LRRC8D: variants seen among roughly 807,000 people sequenced by gnomAD.
The protein encoded by LRRC8D is leucine rich repeat containing 8 VRAC subunit D.
Under a neutral mutation model 55.8 loss-of-function variants are expected in LRRC8D, and 20 were observed. That is an observed-to-expected ratio of 0.36 (90% CI 0.25 to 0.52). The LOEUF (loss-of-function observed/expected upper bound fraction) is 0.52, where lower values mean the gene tolerates loss of function less well. Ranked by LOEUF, LRRC8D falls within the 20% of genes least tolerant of loss-of-function variation. The pLI, the probability that LRRC8D is intolerant of heterozygous loss-of-function variation, is 0.93. For synonymous variants in LRRC8D, 352 were observed against 377.0 expected, an observed-to-expected ratio of 0.93 and a Z score of 0.77; for missense variants, 651 against 1,030.8, an observed-to-expected ratio of 0.63 and a Z score of 5.05.
At chr1:89,849,165 T>C (rs1371087779) in intron 2 of LRRC8D, among the ~76,000 whole-genome samples, 1 of 152,216 alleles carries the variant, frequency 6.6e-6, no homozygotes, top group African/African-American at 2.4e-5. Context: ...TGTAAAGAAA[T>C]GATCATGGTT....
intron 2 of LRRC8D, among the ~76,000 whole-genome samples, chr1:89,901,855 G>A (rs552734135): frequency 1.3e-5 from 2 of 152,280 alleles, no homozygotes; most frequent in South Asian, 2.1e-4. Context: ...TTTGCAGTAC[G>A]TCGTGCCTCT....
chr1:89,925,148 G>C (rs1012863875), intron 2 of LRRC8D, among the ~76,000 whole-genome samples: 1 of 152,178 alleles, frequency 6.6e-6, no homozygotes, highest in Non-Finnish European at 1.5e-5. Context: ...CCTCTTGTCA[G>C]ATCAGCAGCA....
intron 2 of LRRC8D, among the ~76,000 whole-genome samples, chr1:89,897,606 C>T (rs566255689): frequency 8.1e-4 from 123 of 152,288 alleles, no homozygotes; most frequent in African/African-American, 2.8e-3. Context: ...TAGGAGGACA[C>T]GTCAAACTGT....
At chr1:89,865,335 T>TAC in intron 2 of LRRC8D, among the ~76,000 whole-genome samples, 1 of 79,256 alleles carries the variant, frequency 1.3e-5, no homozygotes, top group African/African-American at 8.6e-5. Context: ...TGAAATTATA[T>TAC]ATATATATAT....
chr1:89,852,501 A>G (rs760057868), intron 2 of LRRC8D, among the ~76,000 whole-genome samples: 1 of 152,258 alleles, frequency 6.6e-6, no homozygotes, highest in East Asian at 1.9e-4. Flanking sequence ...TGTACTGGTC[A>G]TTTTGTTAAG....
At chr1:89,875,404 G>A (rs1423004053) in intron 2 of LRRC8D, among the ~76,000 whole-genome samples, 1 of 151,816 alleles carries the variant, frequency 6.6e-6, no homozygotes, top group Admixed American at 6.6e-5. Flanking sequence ...CAGTGTTTTA[G>A]AAGCTAGATT....
chr1:89,843,455 G>A (rs1661188023), intron 1 of LRRC8D, 183 bp from the exon 2 acceptor site: 2 of 414,188 alleles, frequency 4.8e-6, no homozygotes, highest in African/African-American at 4.2e-5. Context: ...GCGCCACCTC[G>A]GCACCACGCG....
At chr1:89,923,854 G>A (rs1663485913) in intron 2 of LRRC8D, among the ~76,000 whole-genome samples, 1 of 152,196 alleles carries the variant, frequency 6.6e-6, no homozygotes, top group African/African-American at 2.4e-5. Flanking sequence ...AATAAATGGT[G>A]CTGGAATAAC....
chr1:89,866,543 C>CAAAA (rs766943487), intron 2 of LRRC8D, among the ~76,000 whole-genome samples: 1 of 152,180 alleles, frequency 6.6e-6, no homozygotes, highest in Non-Finnish European at 1.5e-5. Context: ...AGACTGTGTA[C>CAAAA]AAAAATACAG....
intron 2 of LRRC8D, among the ~76,000 whole-genome samples, chr1:89,856,589 C>A (rs371644709): frequency 5.3e-5 from 8 of 152,292 alleles, no homozygotes; most frequent in Admixed American, 1.3e-4. Context: ...TTGTCTTTCA[C>A]AGAAAGATAG....
At chr1:89,831,247 G>A (rs1046395449) in intron 1 of LRRC8D, among the ~76,000 whole-genome samples, 1 of 152,164 alleles carries the variant, frequency 6.6e-6, no homozygotes, top group Non-Finnish European at 1.5e-5. Flanking sequence ...GACATGAATT[G>A]AAACTTGATT....
intron 2 of LRRC8D, among the ~76,000 whole-genome samples, chr1:89,857,840 A>G (rs1661596540): frequency 6.6e-6 from 1 of 152,224 alleles, no homozygotes; most frequent in Non-Finnish European, 1.5e-5. Context: ...CTATTTCTGC[A>G]TTATTGAGGT....
intron 2 of LRRC8D, among the ~76,000 whole-genome samples, chr1:89,928,383 AT>A (rs1403105977): frequency 6.6e-6 from 1 of 152,124 alleles, no homozygotes; most frequent in African/African-American, 2.4e-5. Flanking sequence ...CAAACACATT[AT>A]TATTAGACAA....
intron 2 of LRRC8D, among the ~76,000 whole-genome samples, chr1:89,847,907 G>C (rs187426838): frequency 4.6e-5 from 7 of 152,300 alleles, no homozygotes; most frequent in Non-Finnish European, 8.8e-5. Flanking sequence ...TATATATGAG[G>C]TAGGGATTCA....
chr1:89,832,386 C>T (rs1660909144), intron 1 of LRRC8D, among the ~76,000 whole-genome samples: 1 of 152,202 alleles, frequency 6.6e-6, no homozygotes, highest in South Asian at 2.1e-4. Context: ...AACGTCTTTT[C>T]ATCATCTGCA....
At chr1:89,837,171 A>G (rs565079404) in intron 1 of LRRC8D, among the ~76,000 whole-genome samples, 1 of 152,224 alleles carries the variant, frequency 6.6e-6, no homozygotes, top group Non-Finnish European at 1.5e-5. Flanking sequence ...CTTGAAATCC[A>G]GGATTCTGGT....
chr1:89,835,218 G>A (rs1660976783), intron 1 of LRRC8D, among the ~76,000 whole-genome samples: 1 of 152,148 alleles, frequency 6.6e-6, no homozygotes, highest in Non-Finnish European at 1.5e-5. Flanking sequence ...GTGGTTCTGA[G>A]GGCAGCCTGG....
intron 2 of LRRC8D, among the ~76,000 whole-genome samples, chr1:89,906,095 ATTG>A (rs1271586085): frequency 6.6e-6 from 1 of 152,180 alleles, no homozygotes; most frequent in Non-Finnish European, 1.5e-5. Context: ...GGGCAGCCGC[ATTG>A]TTCCCTGGTG....
At chr1:89,821,759 C>T (rs945411902) in intron 1 of LRRC8D, among the ~76,000 whole-genome samples, 2 of 152,038 alleles carry the variant, frequency 1.3e-5, no homozygotes, top group African/African-American at 4.8e-5. Flanking sequence ...GAATCGCCTC[C>T]CCTCCGCTTC....
Sources: gnomAD v4.1 joint callset for allele counts (sites outside exome capture counted in the v4.1 genomes callset) on GRCh38, gnomAD v4.1.1 for gene constraint, MANE v1.5 for transcripts, NCBI Gene and HGNC (gene_info 2026-07-23, HGNC 2026-07-21) for gene names.